Variants in ARNT2 observed in about 807,000 individuals in gnomAD.
ARNT2 encodes the protein aryl hydrocarbon receptor nuclear translocator 2.
Under a neutral mutation model 91.7 loss-of-function variants are expected in ARNT2, and 36 were observed. The observed-to-expected ratio is 0.39, with a 90% confidence interval of 0.30 to 0.52. ARNT2 has a LOEUF of 0.52. Ranked by LOEUF, ARNT2 falls within the 20% of genes least tolerant of loss-of-function variation. ARNT2 has a pLI of 0.72. For synonymous variants in ARNT2, 365 were observed against 347.1 expected (o/e 1.05, Z -0.57); for missense variants, 775 against 939.3 (o/e 0.83, Z 2.29).
intron 8 of ARNT2, among the ~76,000 whole-genome samples, chr15:80,530,907 A>G (rs1362295392): frequency 6.6e-6 from 1 of 152,200 alleles, no homozygotes; most frequent in Non-Finnish European, 1.5e-5. Flanking sequence ...CTCCTCCTAG[A>G]TAATTATACT....
intron 1 of ARNT2, among the ~76,000 whole-genome samples, chr15:80,432,849 G>A (rs1371622214): frequency 1.3e-5 from 2 of 152,012 alleles, no homozygotes; most frequent in African/African-American, 4.8e-5. Context: ...TTCAAGTATT[G>A]GAGTCCCAAG....
At position 80,560,503 on chromosome 15, in the gene ARNT2, GAGCT is replaced by G. The variant is rs367902412; in HGVS notation, c.1165-2584_1165-2581del. Among the ~76,000 whole-genome samples, 8 of 152,248 alleles carry G rather than the reference GAGCT, an allele frequency of 5.3e-5. No individual in the cohort carries two copies. The South Asian group carries it at 1.7e-3, about 32-fold the overall frequency. On this transcript the variant is annotated intron_variant, in intron 11 of 18. Coordinates refer to ENST00000303329, the MANE Select transcript of ARNT2 (RefSeq NM_014862.4). The stretch of plus-strand genomic sequence containing the variant: ...TTCTCTTTCCACAGCTCCTAAGGCT[GAGCT>G]TCCCTTTCCCCAGCTCCTAAGGTCG...
At chr15:80,508,558 A>G (rs943404287) in intron 6 of ARNT2, among the ~76,000 whole-genome samples, 7 of 152,148 alleles carry the variant, frequency 4.6e-5, no homozygotes, top group African/African-American at 1.7e-4. Flanking sequence ...ACCCTTCTCC[A>G]ATCCAACCTC....
In ARNT2 at chr15:80,596,062, C is replaced by A. The variant is rs1893370072; in HGVS notation, c.*2364C>A. 1 of 152,084 alleles carries A rather than the reference C, an allele frequency of 6.6e-6. No individual in the cohort carries two copies. 9.4% of individuals were successfully genotyped at this position (152,084 alleles called of 1,614,324 possible). On this transcript the variant is annotated 3_prime_UTR_variant, in exon 19 of 19. Transcript: ENST00000303329. ...GCTTTTCTTAGGTGCATACACAGAC[C>A]CAGGTGAACACGCTGACTGTGAACC...
intron 5 of ARNT2, 36 bp from the exon 6 acceptor site, chr15:80,508,120 C>T (rs780447595): frequency 6.2e-7 from 1 of 1,604,368 alleles, no homozygotes; most frequent in South Asian, 1.1e-5. Context: ...CAACCGAAGG[C>T]AGAGGCTTAC....
At chr15:80,418,195 T>C (rs937520534) in intron 1 of ARNT2, among the ~76,000 whole-genome samples, 1 of 152,186 alleles carries the variant, frequency 6.6e-6, no homozygotes, top group African/African-American at 2.4e-5. Context: ...GGGTCTGTCA[T>C]GGACCAGCAA....
intron 1 of ARNT2, among the ~76,000 whole-genome samples, chr15:80,430,266 G>A (rs1319707935): frequency 6.6e-6 from 1 of 152,122 alleles, no homozygotes; most frequent in Admixed American, 6.5e-5. Context: ...GGAGATCTCT[G>A]TGGTCTCCCC....
chr15:80,563,045 C>T (rs761405299), intron 11 of ARNT2, 43 bp from the exon 12 acceptor site: 2 of 1,611,926 alleles, frequency 1.2e-6, no homozygotes, highest in South Asian at 2.2e-5. Context: ...CGTTTGGCAC[C>T]ATCCTTCCTC....
At chr15:80,431,734 A>G (rs991730141) in intron 1 of ARNT2, among the ~76,000 whole-genome samples, 1 of 152,146 alleles carries the variant, frequency 6.6e-6, no homozygotes, top group Admixed American at 6.5e-5. Context: ...CTACTTATCC[A>G]GCAGGGATCC....
At chr15:80,538,434 C>T (rs920981718) in intron 8 of ARNT2, among the ~76,000 whole-genome samples, 4 of 152,024 alleles carry the variant, frequency 2.6e-5, no homozygotes, top group African/African-American at 7.2e-5. Flanking sequence ...TCTAAAAATT[C>T]ATAACAAAAA....
chr15:80,466,575 C>T (rs761664962), intron 3 of ARNT2, among the ~76,000 whole-genome samples: 1 of 152,232 alleles, frequency 6.6e-6, no homozygotes, highest in Admixed American at 6.5e-5. Context: ...CAAATTGTCT[C>T]CTCACTCTGG....
chr15:80,566,442 G>A (rs191278524), intron 12 of ARNT2, among the ~76,000 whole-genome samples: 5 of 152,150 alleles, frequency 3.3e-5, no homozygotes, highest in East Asian at 1.9e-4. Flanking sequence ...CTCCCTGCAC[G>A]TCCCTGGACT....
chr15:80,572,715 C>T (rs1337086926), intron 12 of ARNT2, among the ~76,000 whole-genome samples: 1 of 152,182 alleles, frequency 6.6e-6, no homozygotes, highest in African/African-American at 2.4e-5. Context: ...AAAGGAAATC[C>T]ATAACCTTCC....
intron 5 of ARNT2, among the ~76,000 whole-genome samples, chr15:80,486,474 G>A (rs1896975557): frequency 6.6e-6 from 1 of 152,150 alleles, no homozygotes; most frequent in Admixed American, 6.5e-5. Flanking sequence ...TTTTAAAAAA[G>A]CTGATATCCA....
intron 12 of ARNT2, among the ~76,000 whole-genome samples, chr15:80,568,936 G>A (rs995382394): frequency 4.6e-5 from 7 of 152,092 alleles, no homozygotes; most frequent in South Asian, 2.1e-4. Context: ...ACACACACAC[G>A]CGCACACACA....
chr15:80,488,412 T>C (rs1417061739), intron 5 of ARNT2, among the ~76,000 whole-genome samples: 1 of 152,226 alleles, frequency 6.6e-6, no homozygotes, highest in African/African-American at 2.4e-5. Flanking sequence ...CATTTTCGTA[T>C]TATGGCTTTT....
Position 80,563,196 on chromosome 15 carries a change from T to A in ARNT2, c.1273T>A (p.Ser425Thr). 6.2e-7 allele frequency: 1 copy of A among 1,614,200 alleles called. No homozygotes were observed. Among genetic ancestry groups the A allele is most frequent in the Non-Finnish European group, 8.5e-7 (1 of 1,180,046 alleles). ...TSSFTFQNPY[S>T]DEIEYIICTN... ...CAGCTTCACATTCCAGAATCCCTATTCTGATGAGATTGAGTACATCATCTG... is the reference window on the plus strand; with the variant it reads ...CAGCTTCACATTCCAGAATCCCTATACTGATGAGATTGAGTACATCATCTG... Residue 425 changes from serine (S) to threonine (T), a missense_variant, in exon 12 of 19, where the codon TCT (serine) becomes ACT (threonine). Transcript: ENST00000303329.
At chr15:80,480,552 G>A (rs919038338) in intron 5 of ARNT2, among the ~76,000 whole-genome samples, 3 of 152,216 alleles carry the variant, frequency 2.0e-5, no homozygotes, top group East Asian at 1.9e-4. Flanking sequence ...CATAACCCAC[G>A]GACTCTTCAA....
intron 1 of ARNT2, among the ~76,000 whole-genome samples, chr15:80,407,461 T>C (rs1179450576): frequency 6.6e-6 from 1 of 152,202 alleles, no homozygotes; most frequent in Non-Finnish European, 1.5e-5. Flanking sequence ...TTCTACCAGC[T>C]ACTCTGGGAG....
Sources: gnomAD v4.1 joint callset for allele counts (sites outside exome capture counted in the v4.1 genomes callset) on GRCh38, gnomAD v4.1.1 for gene constraint, MANE v1.5 for transcripts, NCBI Gene and HGNC (gene_info 2026-07-23, HGNC 2026-07-21) for gene names.